The following CHL1 variants were observed in gnomAD, a reference collection of about 807,000 sequenced individuals.
CHL1 encodes the protein cell adhesion molecule L1 like, also known as neural cell adhesion molecule L1-like protein.
A neutral mutation model predicts 141.9 loss-of-function variants in CHL1; 96 were observed. That is an observed-to-expected ratio of 0.68 (90% CI 0.57 to 0.80). CHL1 has a LOEUF of 0.80. CHL1 is among the 30% of genes least tolerant of loss of function. The pLI, the probability that CHL1 is intolerant of heterozygous loss-of-function variation, is 0.00. For synonymous variants in CHL1, 613 were observed against 502.2 expected (o/e 1.22, Z -2.95); for missense variants, 1,820 against 1,457.2 (o/e 1.25, Z -4.05).
chr3:394,201 G>A (rs1708479020), intron 23 of CHL1, among the ~76,000 whole-genome samples: 1 of 152,092 alleles, frequency 6.6e-6, no homozygotes, highest in African/African-American at 2.4e-5. Context: ...TTGATTCTAT[G>A]TATACTGAGT....
At position 383,904 on chromosome 3, in the gene CHL1, C is replaced by G. The variant is rs957937965; in HGVS notation, c.2247+18C>G. On this transcript the variant is annotated intron_variant, in intron 19 of 27. Coordinates refer to ENST00000256509, the MANE Select transcript of CHL1 (RefSeq NM_006614.4). ...AGTGGGAGGTGTGTATTTCTTAATA[C>G]GTTATGTATTTCTTTGTGCTTTTCT... The G allele has an allele frequency of 6.4e-7, 1 of 1,555,738 alleles. No homozygotes were observed. Among genetic ancestry groups the G allele is most frequent in the African/African-American group, 1.4e-5 (1 of 73,782 alleles).
chr3:297,375 T>G (rs332481), intron 2 of CHL1, among the ~76,000 whole-genome samples: 1 of 151,924 alleles, frequency 6.6e-6, no homozygotes, highest in African/African-American at 2.4e-5. Context: ...GCTATTATTA[T>G]TGGTATTATT....
chr3:300,455 C>A (rs1463689646), intron 2 of CHL1, among the ~76,000 whole-genome samples: 3 of 152,128 alleles, frequency 2.0e-5, no homozygotes, highest in South Asian at 4.1e-4. Context: ...CATTCAATGG[C>A]AAGAACCTTA....
intron 1 of CHL1, among the ~76,000 whole-genome samples, chr3:231,050 C>G (rs971504858): frequency 6.6e-6 from 1 of 152,126 alleles, no homozygotes; most frequent in Non-Finnish European, 1.5e-5. Flanking sequence ...ATTTTCCTTT[C>G]ACATTAAGTG....
At chr3:286,251 G>A (rs1697130694) in intron 2 of CHL1, among the ~76,000 whole-genome samples, 1 of 152,020 alleles carries the variant, frequency 6.6e-6, no homozygotes. Flanking sequence ...CCCAAAAGTG[G>A]GTTCTTGGAT....
At chr3:318,436 T>C (rs572864786) in intron 2 of CHL1, among the ~76,000 whole-genome samples, 56 of 151,924 alleles carry the variant, frequency 3.7e-4, no homozygotes, top group African/African-American at 1.3e-3. Flanking sequence ...GAAAGACTAA[T>C]TCTCACATTT....
At chr3:399,218 A>T (rs923819827) in intron 26 of CHL1, 70 bp downstream of exon 26, 2 of 1,331,724 alleles carry the variant, frequency 1.5e-6, no homozygotes, top group African/African-American at 2.9e-5. Flanking sequence ...CTTCAGAGAC[A>T]ACTTTTTTTA....
chr3:254,506 C>A (rs1000770388), intron 2 of CHL1, among the ~76,000 whole-genome samples: 7 of 152,088 alleles, frequency 4.6e-5, no homozygotes, highest in African/African-American at 1.7e-4. Context: ...AGCTGGGATA[C>A]AGGGAGCTTG....
At chr3:352,707 AAT>A (rs1703372105) in intron 10 of CHL1, among the ~76,000 whole-genome samples, 1 of 152,164 alleles carries the variant, frequency 6.6e-6, no homozygotes, top group Non-Finnish European at 1.5e-5. Flanking sequence ...CTATAGGAGA[AAT>A]GGATGAAAAG....
intron 6 of CHL1, 79 bp from the exon 7 acceptor site, chr3:341,833 T>A: frequency 8.5e-7 from 1 of 1,180,054 alleles, no homozygotes; most frequent in South Asian, 2.1e-5. Context: ...GAAATAATAA[T>A]GTAAAAGAAA....
At chr3:393,571 A>AAT (rs774054073) in intron 23 of CHL1, among the ~76,000 whole-genome samples, 1 of 152,062 alleles carries the variant, frequency 6.6e-6, no homozygotes, top group African/African-American at 2.4e-5. Context: ...AAAATAAAAT[A>AAT]ATATATAATT....
chr3:330,877 C>A (rs1006701598), intron 5 of CHL1, among the ~76,000 whole-genome samples: 8 of 151,996 alleles, frequency 5.3e-5, no homozygotes, highest in African/African-American at 1.9e-4. Flanking sequence ...TTACACAAAT[C>A]AGAATAGCAT....
chr3:283,381 A>C (rs1449019093), intron 2 of CHL1, among the ~76,000 whole-genome samples: 2 of 152,200 alleles, frequency 1.3e-5, no homozygotes, highest in Non-Finnish European at 2.9e-5. Flanking sequence ...TGAGATTAGC[A>C]ATCACACATG....
At position 391,778 on chromosome 3, in the gene CHL1, T is replaced by C; in HGVS notation, c.2895T>C (p.Tyr965=). The part of the protein sequence containing the change: ...PKKLNGNLTG[Y]LLQYQIINDT... ...AATTAAATGGAAACTTAACTGGCTA[T>C]CTTTTGCAATATCAGATAAGTAAGT... Residue 965 remains tyrosine, a synonymous_variant, in exon 23 of 28, where the codon TAT becomes TAC. Transcript: ENST00000256509. 2 of 1,587,432 alleles carry C rather than the reference T, an allele frequency of 1.3e-6. No homozygotes were observed. Among genetic ancestry groups the C allele is most frequent in the Non-Finnish European group, 1.7e-6 (2 of 1,168,236 alleles).
At chr3:294,885 T>C (rs1020889733) in intron 2 of CHL1, among the ~76,000 whole-genome samples, 5 of 152,258 alleles carry the variant, frequency 3.3e-5, no homozygotes, top group Admixed American at 2.6e-4. Flanking sequence ...ATTCCTTTTA[T>C]TCATTTAACA....
At chr3:355,580 C>T (rs540288379) in intron 11 of CHL1, among the ~76,000 whole-genome samples, 1 of 152,298 alleles carries the variant, frequency 6.6e-6, no homozygotes, top group East Asian at 1.9e-4. Flanking sequence ...ACGATAGTGG[C>T]TTCCATTTGT....
At position 344,723 on chromosome 3, in the gene CHL1, C is replaced by A; in HGVS notation, c.848+14C>A. The A allele has an allele frequency of 2.5e-6, 4 of 1,612,694 alleles. No homozygotes were observed. ...TGCTGAAGGCTTGTGAGTAACCTGA[C>A]TCTCACTCATGACTTTGTCCATCCA... is the stretch of plus-strand genomic sequence containing the variant. On this transcript the variant is annotated intron_variant, in intron 9 of 27. Coordinates refer to ENST00000256509, the MANE Select transcript of CHL1 (RefSeq NM_006614.4).
In CHL1 at chr3:300,597, C is replaced by A. The variant is rs1292260731; in HGVS notation, c.-94-19086C>A. Reference sequence around the variant, plus strand: ...TTATTCATGGGGTGCCTATTCTGTGCAAGGCAATACCTTTGGCAATGACGA... The same window carrying A: ...TTATTCATGGGGTGCCTATTCTGTGAAAGGCAATACCTTTGGCAATGACGA... On this transcript the variant is annotated intron_variant, in intron 2 of 27. Transcript: ENST00000256509. Among the ~76,000 whole-genome samples, 2 of 152,100 alleles carry A rather than the reference C, an allele frequency of 1.3e-5. 1 individual carries two copies. Among genetic ancestry groups the A allele is most frequent in the East Asian group, 3.8e-4 (2 of 5,198 alleles).
chr3:366,177 T>A (rs1704852337), intron 15 of CHL1, 62 bp downstream of exon 15: 4 of 1,518,404 alleles, frequency 2.6e-6, no homozygotes, highest in Admixed American at 1.8e-5. Context: ...GCATTTGATT[T>A]AAAAAGTTCT....
Sources: allele counts gnomAD v4.1 joint callset (sites outside exome capture counted in the v4.1 genomes callset), GRCh38; gene constraint gnomAD v4.1.1; transcripts MANE v1.5; gene names NCBI Gene and HGNC (gene_info 2026-07-23, HGNC 2026-07-21).